Variants in SLC1A4 observed in about 807,000 individuals in gnomAD.
SLC1A4 encodes the protein neutral amino acid transporter A.
Under a neutral mutation model 37.7 loss-of-function variants are expected in SLC1A4, and 19 were observed. The observed-to-expected ratio is 0.50, with a 90% CI of 0.35 to 0.74. The LOEUF is 0.74. Among genes scored for constraint, SLC1A4 ranks in the 30% least tolerant of loss-of-function variants. The probability of loss-of-function intolerance (pLI) is 0.01; values close to 1 mark genes in which losing one functional copy is unlikely to be tolerated. For synonymous variants in SLC1A4, 299 were observed against 309.8 expected, an observed-to-expected ratio of 0.97 and a Z score of 0.37; for missense variants, 570 against 712.9, an observed-to-expected ratio of 0.80 and a Z score of 2.28.
intron 3 of SLC1A4, among the ~76,000 whole-genome samples, chr2:65,008,377 C>T (rs754486570): frequency 6.6e-6 from 1 of 152,188 alleles, no homozygotes; most frequent in Non-Finnish European, 1.5e-5. Context: ...GTGGCTCACA[C>T]CTGTAATAAT....
In SLC1A4 at chr2:64,992,000, T is replaced by C. The variant is rs114897065; in HGVS notation, c.527+1830T>C. ...TGTTCTGTGACTGGCAGCTTGATAT[T>C]TGGAGTCCAGACACTTTTTAAGTTT... On this transcript the variant is annotated intron_variant, in intron 1 of 7. Coordinates refer to ENST00000234256, the MANE Select transcript of SLC1A4 (RefSeq NM_003038.5). 4.0e-3 allele frequency among the ~76,000 whole-genome samples: 608 copies of C among 152,336 alleles called. 4 individuals are homozygous for C. Among genetic ancestry groups the C allele is most frequent in the African/African-American group, 0.014 (584 of 41,578 alleles).
chr2:65,006,504 A>G (rs1275124819), intron 3 of SLC1A4, among the ~76,000 whole-genome samples: 2 of 152,084 alleles, frequency 1.3e-5, no homozygotes, highest in Non-Finnish European at 2.9e-5. Flanking sequence ...AAAAATAAAT[A>G]AAAGAAAAAA....
intron 4 of SLC1A4, among the ~76,000 whole-genome samples, chr2:65,014,361 G>A (rs1024171087): frequency 1.3e-5 from 2 of 152,214 alleles, no homozygotes; most frequent in African/African-American, 2.4e-5. Flanking sequence ...TTTAAGGGAT[G>A]CTCAACCTCA....
At chr2:64,993,924 TG>T (rs1673156310) in intron 1 of SLC1A4, among the ~76,000 whole-genome samples, 1 of 152,208 alleles carries the variant, frequency 6.6e-6, no homozygotes, top group African/African-American at 2.4e-5. Context: ...ATAGAGTGAT[TG>T]GGTTTTCCAG....
intron 1 of SLC1A4, among the ~76,000 whole-genome samples, chr2:64,990,422 CCGTTAGG>C (rs1673010146): frequency 1.3e-5 from 2 of 152,176 alleles, no homozygotes; most frequent in Non-Finnish European, 2.9e-5. Context: ...CCAGTCCCCA[CCGTTAGG>C]TGGGCGTTTG....
intron 5 of SLC1A4, among the ~76,000 whole-genome samples, 167 bp downstream of exon 5, chr2:65,016,840 T>C (rs1384561120): frequency 6.6e-6 from 1 of 152,240 alleles, no homozygotes; most frequent in African/African-American, 2.4e-5. Context: ...AGACAGGATC[T>C]TCCCGTGATT....
chr2:65,018,849 A>G lies in SLC1A4; in HGVS notation c.1364+170A>G, dbSNP rs1674295545. On this transcript the variant is annotated intron_variant, in intron 7 of 7. Transcript: ENST00000234256. The surrounding 1 kb of genome is among the most constrained non-coding windows in gnomAD (Gnocchi z 4.3). ...ATTTAGAGCTAGGAAAAATTAAACA[A>G]TATGAGAGTCACATGCCCCCAAACA... Among the ~76,000 whole-genome samples the G allele has an allele frequency of 6.6e-6, 1 of 152,242 alleles. No homozygotes were observed. The highest frequency in any genetic ancestry group is 1.9e-4 in the East Asian group (1 of 5,204).
intron 1 of SLC1A4, among the ~76,000 whole-genome samples, chr2:64,991,067 A>G (rs911343142): frequency 2.0e-5 from 3 of 152,238 alleles, no homozygotes; most frequent in Non-Finnish European, 4.4e-5. Context: ...TGAGGAGTCC[A>G]GCTGGCTCCT....
Position 65,016,690 on chromosome 2 carries a change from TC to T in SLC1A4, c.1034+18del, listed in dbSNP as rs1674152067. 1 of 1,538,990 alleles carries T rather than the reference TC, an allele frequency of 6.5e-7. No individual in the cohort carries two copies. The highest frequency in any genetic ancestry group is 1.4e-5 in the African/African-American group (1 of 73,338). The stretch of plus-strand genomic sequence containing the variant: ...CTGCTCCAGGTGAGTGGGTTTTGGG[TC>T]TCTTCACTGCTCTGAGCCATGTTAA... On this transcript the variant is annotated intron_variant, in intron 5 of 7. Transcript: ENST00000234256.
At chr2:65,004,773 ACAGATACTTG>A (rs1673613470) in intron 3 of SLC1A4, among the ~76,000 whole-genome samples, 1 of 152,234 alleles carries the variant, frequency 6.6e-6, no homozygotes, top group Non-Finnish European at 1.5e-5. Context: ...AATGAAGTTT[ACAGATACTTG>A]CATTTACTTA....
At chr2:64,995,764 TAAATA>T (rs1673231678) in intron 1 of SLC1A4, among the ~76,000 whole-genome samples, 1 of 152,314 alleles carries the variant, frequency 6.6e-6, no homozygotes, top group East Asian at 1.9e-4. Flanking sequence ...TTTTTGAACT[TAAATA>T]AAAGGAAATA....
chr2:65,008,846 T>G (rs1673789916), intron 3 of SLC1A4, among the ~76,000 whole-genome samples: 1 of 152,160 alleles, frequency 6.6e-6, no homozygotes, highest in African/African-American at 2.4e-5. Flanking sequence ...CATAGCAACT[T>G]TACATATTAG....
Position 65,010,158 on chromosome 2 carries a change from G to A in SLC1A4, c.634-439G>A, listed in dbSNP as rs547701144. Among the ~76,000 whole-genome samples, 26 of 152,172 alleles carry A rather than the reference G, an allele frequency of 1.7e-4. 1 individual carries two copies. The East Asian group carries it at 2.7e-3, about 16-fold the overall frequency. On this transcript the variant is annotated intron_variant, in intron 3 of 7. Transcript: ENST00000234256. ...TGTTGGTCAGGCTGGTCTCAAACTCGTGACTTCAGGTGATCCACTCGCCTT... is the reference window on the plus strand; with the variant it reads ...TGTTGGTCAGGCTGGTCTCAAACTCATGACTTCAGGTGATCCACTCGCCTT...
rs1033236257 is a variant in SLC1A4, at chr2:64,990,045, C to G, written c.402C>G (p.Ala134=). 1.9e-6 allele frequency: 3 copies of G among 1,606,478 alleles called. No individual in the cohort carries two copies. The highest frequency in any genetic ancestry group is 2.5e-6 in the Non-Finnish European group (3 of 1,176,704). ...TGAGTGCCTCGGCGCTCGCCGTGGCCTTGGCGTTCATCATCAAGCCAGGAT... is the reference window on the plus strand; with the variant it reads ...TGAGTGCCTCGGCGCTCGCCGTGGCGTTGGCGTTCATCATCAAGCCAGGAT... ...TTLSASALAV[A]LAFIIKPGSG... Residue 134 remains alanine, a synonymous_variant, in exon 1 of 8, where the codon GCC becomes GCG. Transcript: ENST00000234256.
intron 3 of SLC1A4, among the ~76,000 whole-genome samples, chr2:65,007,549 G>A (rs909223436): frequency 3.3e-5 from 5 of 152,198 alleles, no homozygotes; most frequent in Non-Finnish European, 7.3e-5. Context: ...CAGAAAGGGA[G>A]TCATTTCATT....
chr2:64,989,438 T>A lies in SLC1A4; in HGVS notation c.-206T>A, dbSNP rs983003616. 1 of 413,302 alleles carries A rather than the reference T, an allele frequency of 2.4e-6. No homozygotes were observed. The highest frequency in any genetic ancestry group is 4.2e-6 in the Non-Finnish European group (1 of 240,188). 25.6% of individuals were successfully genotyped at this position (413,302 alleles called of 1,614,324 possible). A position where few individuals can be genotyped will look rare whatever the true frequency, so the allele number is the denominator to read the frequency against. Reference sequence around the variant, plus strand: ...GCTGCTCCAGGGAGGCTGGGCGCGATCCTCTCCGCCCGCGGCTCCAACCCG... The same window carrying A: ...GCTGCTCCAGGGAGGCTGGGCGCGAACCTCTCCGCCCGCGGCTCCAACCCG... On this transcript the variant is annotated 5_prime_UTR_variant, in exon 1 of 8. Coordinates refer to ENST00000234256, the MANE Select transcript of SLC1A4 (RefSeq NM_003038.5).
At chr2:64,990,224 C>G in intron 1 of SLC1A4, 54 bp downstream of exon 1, 1 of 1,461,008 alleles carries the variant, frequency 6.8e-7, no homozygotes, top group Non-Finnish European at 9.2e-7. Context: ...TTCTCGGATG[C>G]CCTCCAGTTC....
Position 64,989,691 on chromosome 2 carries a change from GGGGCCTGCGGCC to G in SLC1A4, c.54_65del (p.Ala19_Pro22del). 1 of 1,537,870 alleles carries G rather than the reference GGGGCCTGCGGCC, an allele frequency of 6.5e-7. No individual in the cohort carries two copies. The highest frequency in any genetic ancestry group is 8.7e-7 in the Non-Finnish European group (1 of 1,148,450). On this transcript the variant is annotated inframe_deletion, in exon 1 of 8. Transcript: ENST00000234256. ...ACGGCTACCTTGACAGCGCTCAGGCGGGGCCTGCGGCCGGGCCCGGAGCTCCGGGGACCGCGG... is the reference window on the plus strand; with the variant it reads ...ACGGCTACCTTGACAGCGCTCAGGCGGGGCCCGGAGCTCCGGGGACCGCGG...
chr2:65,008,050 G>C (rs1673756616), intron 3 of SLC1A4, among the ~76,000 whole-genome samples: 1 of 151,926 alleles, frequency 6.6e-6, no homozygotes, highest in Non-Finnish European at 1.5e-5. Context: ...CACTTTTTTA[G>C]CTCCCACATA....
Sources: allele counts gnomAD v4.1 joint callset (sites outside exome capture counted in the v4.1 genomes callset), GRCh38; gene constraint gnomAD v4.1.1; non-coding constraint Gnocchi (gnomAD v3.1); transcripts MANE v1.5; gene names NCBI Gene and HGNC (gene_info 2026-07-23, HGNC 2026-07-21).